LRP1B: variants seen among roughly 807,000 people sequenced by gnomAD.
LRP1B encodes LDL receptor related protein 1B.
In LRP1B, 217 loss-of-function variants were observed where a neutral mutation model predicts 556.6. That is an observed-to-expected ratio of 0.39 (90% confidence interval 0.35 to 0.44). LRP1B has a LOEUF of 0.44. Among genes scored for constraint, LRP1B ranks in the 20% least tolerant of loss-of-function variants. The probability of loss-of-function intolerance (pLI) is 1.00; values close to 1 mark genes in which losing one functional copy is unlikely to be tolerated. For synonymous variants in LRP1B, 2,047 were observed against 1,865.8 expected (o/e 1.10, Z -2.50); for missense variants, 5,053 against 5,620.8 (o/e 0.90, Z 3.23).
intron 2 of LRP1B, among the ~76,000 whole-genome samples, chr2:141,544,338 T>TTCTTCTTCTTCTTCTTCTTCTTCTTCTCC (rs1685435792): frequency 3.0e-5 from 2 of 66,688 alleles, no homozygotes; most frequent in African/African-American, 1.2e-4. Context: ...CTTCTTCTTC[T>TTCTTCTTCTTCTTCTTCTTCTTCTTCTCC]TCTTCTTCTT....
chr2:141,810,988 T>C (rs1438211509), intron 1 of LRP1B, among the ~76,000 whole-genome samples: 1 of 151,948 alleles, frequency 6.6e-6, no homozygotes, highest in Non-Finnish European at 1.5e-5. Context: ...GAAGTGATAG[T>C]AAACTTCCAT....
At chr2:141,339,896 G>A (rs1205207770) in intron 3 of LRP1B, among the ~76,000 whole-genome samples, 1 of 152,050 alleles carries the variant, frequency 6.6e-6, no homozygotes, top group African/African-American at 2.4e-5. Flanking sequence ...AGTGAACATT[G>A]TGCCAAATAG....
chr2:141,810,806 G>A (rs1341458830), intron 1 of LRP1B, among the ~76,000 whole-genome samples: 1 of 152,014 alleles, frequency 6.6e-6, no homozygotes, highest in African/African-American at 2.4e-5. Flanking sequence ...AAAATTAGTT[G>A]AGTTAAATAT....
At chr2:140,289,595 T>C (rs1056632192) in intron 84 of LRP1B, among the ~76,000 whole-genome samples, 38 of 151,810 alleles carry the variant, frequency 2.5e-4, no homozygotes, top group Non-Finnish European at 1.3e-4. Flanking sequence ...TTTCCTCTTA[T>C]TATTTTTACT....
rs1013758292 is a variant in LRP1B at position 140,601,739 on chromosome 2, T to C, written c.6800-100A>G. On this transcript the variant is annotated intron_variant, in intron 41 of 90. Transcript: ENST00000389484. ...AAGACATACATGTATACCTGTTATT[T>C]CATCAACCATTTCTCCACAAAATCT... The C allele has an allele frequency of 1.3e-5, 8 of 637,624 alleles. No homozygotes were observed. The African/African-American group carries it at 1.3e-4, about 10-fold the overall frequency. 39.5% of individuals were successfully genotyped at this position (637,624 alleles called of 1,614,324 possible). A position where few individuals can be genotyped will look rare whatever the true frequency, so the allele number is the denominator to read the frequency against.
At chr2:141,070,013 C>T (rs1035916660) in intron 7 of LRP1B, among the ~76,000 whole-genome samples, 39 of 142,066 alleles carry the variant, frequency 2.7e-4, no homozygotes, top group South Asian at 2.3e-4. Flanking sequence ...TCCATGTGTT[C>T]GCATTGTTCA....
intron 1 of LRP1B, among the ~76,000 whole-genome samples, chr2:141,934,836 T>A (rs948877672): frequency 1.3e-5 from 2 of 152,230 alleles, no homozygotes; most frequent in Non-Finnish European, 2.9e-5. Context: ...TGTGAAATTG[T>A]GAGTCAATTA....
chr2:140,640,213 C>A (rs888486440), intron 41 of LRP1B, among the ~76,000 whole-genome samples: 1 of 148,138 alleles, frequency 6.8e-6, no homozygotes, highest in Non-Finnish European at 1.5e-5. Context: ...ACTGTGGTCT[C>A]GATCTCCTGA....
intron 1 of LRP1B, among the ~76,000 whole-genome samples, chr2:142,018,062 T>C (rs934001242): frequency 6.6e-6 from 1 of 151,926 alleles, no homozygotes; most frequent in Non-Finnish European, 1.5e-5. Context: ...GTAGTATAAA[T>C]AATTACGTGC....
At chr2:140,809,971 A>T (rs1342352519) in intron 32 of LRP1B, among the ~76,000 whole-genome samples, 1 of 152,192 alleles carries the variant, frequency 6.6e-6, no homozygotes, top group Admixed American at 6.5e-5. Flanking sequence ...TATACTCTTA[A>T]TTAAAAATGA....
rs1695731956 is a variant in LRP1B, at chr2:140,952,016, T to G, written c.2888-76A>C. On this transcript the variant is annotated intron_variant, in intron 18 of 90. Coordinates refer to ENST00000389484, the MANE Select transcript of LRP1B (RefSeq NM_018557.3). ...TGACATAATTCGTATCATCTGATAA[T>G]GTGATCAGAACTCCTTCCCTGTTCT... 3.9e-6 allele frequency: 4 copies of G among 1,038,554 alleles called. No homozygotes were observed. The Admixed American group carries it at 5.3e-5, about 14-fold the overall frequency. 64.3% of individuals were successfully genotyped at this position (1,038,554 alleles called of 1,614,324 possible). A position where few individuals can be genotyped will look rare whatever the true frequency, so the allele number is the denominator to read the frequency against.
At chr2:141,141,796 T>G (rs1558888540) in intron 7 of LRP1B, among the ~76,000 whole-genome samples, 1 of 152,178 alleles carries the variant, frequency 6.6e-6, no homozygotes, top group Non-Finnish European at 1.5e-5. Context: ...ATTTGCTGCT[T>G]TAGTCTTCCA....
chr2:141,323,725 C>T (rs1687326686), intron 3 of LRP1B, among the ~76,000 whole-genome samples: 1 of 152,068 alleles, frequency 6.6e-6, no homozygotes, highest in Non-Finnish European at 1.5e-5. Context: ...CTCTAGACCT[C>T]TTGGAGTTTC....
At chr2:140,281,730 A>G (rs1410319730) in intron 84 of LRP1B, among the ~76,000 whole-genome samples, 1 of 151,856 alleles carries the variant, frequency 6.6e-6, no homozygotes, top group African/African-American at 2.4e-5. Flanking sequence ...TTACCATCAC[A>G]AAGACTAGGT....
At chr2:140,982,963 A>G (rs887489198) in intron 17 of LRP1B, among the ~76,000 whole-genome samples, 3 of 152,060 alleles carry the variant, frequency 2.0e-5, no homozygotes, top group Non-Finnish European at 4.4e-5. Flanking sequence ...AAGGATTTCA[A>G]TGAACACAAA....
chr2:141,872,062 T>C (rs1186299828), intron 1 of LRP1B, among the ~76,000 whole-genome samples: 1 of 151,794 alleles, frequency 6.6e-6, no homozygotes, highest in Non-Finnish European at 1.5e-5. Context: ...GTCTCAAACT[T>C]AGTAGATGAG....
chr2:140,490,326 T>C lies in LRP1B; in HGVS notation c.9120+2282A>G, dbSNP rs550536832. Among the ~76,000 whole-genome samples the C allele has an allele frequency of 2.6e-5, 4 of 152,230 alleles. No homozygotes were observed. The East Asian group carries it at 7.7e-4, about 29-fold the overall frequency. On this transcript the variant is annotated intron_variant, in intron 57 of 90. Transcript: ENST00000389484. The stretch of plus-strand genomic sequence containing the variant: ...GTCACTGAAGTACAGTTTCTAAATA[T>C]AGTATATGAATTTAAGTTATAGCTG...
chr2:140,851,107 CA>C (rs1280283994), intron 28 of LRP1B, among the ~76,000 whole-genome samples: 5 of 151,922 alleles, frequency 3.3e-5, no homozygotes, highest in African/African-American at 1.2e-4. Flanking sequence ...TAATAGAAAG[CA>C]AAAAATTTTA....
intron 89 of LRP1B, among the ~76,000 whole-genome samples, chr2:140,237,627 T>A (rs1297941629): frequency 6.6e-6 from 1 of 150,694 alleles, no homozygotes; most frequent in Non-Finnish European, 1.5e-5. Flanking sequence ...TGGGAGGAAG[T>A]GGGTAGAAAA....
Sources: gnomAD v4.1 joint callset for allele counts (sites outside exome capture counted in the v4.1 genomes callset) on GRCh38, gnomAD v4.1.1 for gene constraint, MANE v1.5 for transcripts, NCBI Gene and HGNC (gene_info 2026-07-23, HGNC 2026-07-21) for gene names.